Variants in BAHCC1 observed in about 807,000 individuals in gnomAD.
BAHCC1 encodes BAH domain and coiled-coil containing 1.
In BAHCC1, 43 loss-of-function variants were observed where a neutral mutation model predicts 88.2. That is an observed-to-expected ratio of 0.49 (90% CI 0.38 to 0.63). The LOEUF is 0.63. BAHCC1 is among the 20% of genes least tolerant of loss of function. The pLI is 0.00. For synonymous variants in BAHCC1, 1,510 were observed against 745.5 expected (o/e 2.03, Z -16.71); for missense variants, 3,023 against 1,654.8 (o/e 1.83, Z -14.34).
rs1041061862 is a variant in BAHCC1 at position 81,421,508 on chromosome 17, C to T, written c.179-5292C>T. Among the ~76,000 whole-genome samples, 7 of 152,130 alleles carry T rather than the reference C, an allele frequency of 4.6e-5. No homozygotes were observed. The East Asian group carries it at 1.2e-3, about 25-fold the overall frequency. ...TGGGATAGGGAGGGCCTCAGGTGGC[C>T]GGCAGTCCCGTCCCCCACACTCGCA... On this transcript the variant is annotated intron_variant, in intron 2 of 27. Transcript: ENST00000675386.
chr17:81,399,859 C>G lies in BAHCC1; in HGVS notation c.120C>G (p.Pro40=). ...LAPAGPAAQP[P]AHFQPGKYFP... ...CGGCTGGGCCCGCCGCGCAGCCCCC[C>G]GCACACTTCCAGCCGGGAAAGTACT... Residue 40 remains proline (P), a synonymous_variant, in exon 2 of 28, where the codon CCC becomes CCG. Transcript: ENST00000675386. The surrounding 1 kb of genome is among the most constrained non-coding windows in gnomAD (Gnocchi z 4.5). 6.9e-7 allele frequency: 1 copy of G among 1,445,258 alleles called. No individual in the cohort carries two copies. The highest frequency in any genetic ancestry group is 9.1e-7 in the Non-Finnish European group (1 of 1,097,686). The allele number at this position is 1,445,258 out of a possible 1,614,324, so 89.5% of individuals were successfully genotyped here.
Position 81,399,170 on chromosome 17 carries a change from C to A in BAHCC1, c.-206-364C>A. 2.4e-6 allele frequency: 1 copy of A among 409,180 alleles called. No individual in the cohort carries two copies. 25.3% of individuals were successfully genotyped at this position (409,180 alleles called of 1,614,324 possible). Reference sequence around the variant, plus strand: ...GTGTGTGTGCGAGTGTGCGTGATGGCTTCGCAGATTTGGGTTTTTATCACC... The same window carrying A: ...GTGTGTGTGCGAGTGTGCGTGATGGATTCGCAGATTTGGGTTTTTATCACC... On this transcript the variant is annotated intron_variant, in intron 1 of 27. Transcript: ENST00000675386. The surrounding 1 kb of genome is among the most constrained non-coding windows in gnomAD (Gnocchi z 4.5).
chr17:81,447,432 G>A lies in BAHCC1; in HGVS notation c.3560G>A (p.Arg1187Lys), dbSNP rs572694161. 2.7e-6 allele frequency: 2 copies of A among 745,462 alleles called. No homozygotes were observed. Among genetic ancestry groups the A allele is most frequent in the African/African-American group, 3.4e-5 (2 of 58,666 alleles). 46.2% of individuals were successfully genotyped at this position (745,462 alleles called of 1,614,324 possible). A position where few individuals can be genotyped will look rare whatever the true frequency, so the allele number is the denominator to read the frequency against. The change falls in exon 11 of 28, where the codon AGG becomes AAG. Residue 1187 changes from arginine (R) to lysine (K), a missense_variant. Physicochemically the swap from Arg to Lys is conservative, Grantham distance 26. Transcript: ENST00000675386. ...TQGGAREERS[R>K]EEGEQGPSSG... Reference sequence around the variant, plus strand: ...GGAGGGGCACGAGAAGAGAGGAGCAGGGAGGAGGGGGAGCAGGGGCCCTCG... The same window carrying A: ...GGAGGGGCACGAGAAGAGAGGAGCAAGGAGGAGGGGGAGCAGGGGCCCTCG...
chr17:81,404,007 A>AGAAC (rs1351973328), intron 2 of BAHCC1, among the ~76,000 whole-genome samples: 3 of 152,278 alleles, frequency 2.0e-5, no homozygotes, highest in Admixed American at 6.5e-5. Context: ...AGCCAGGCAG[A>AGAAC]GAACGGCGTT....
chr17:81,437,664 G>T (rs957284259), intron 3 of BAHCC1, among the ~76,000 whole-genome samples: 1 of 152,234 alleles, frequency 6.6e-6, no homozygotes, highest in Non-Finnish European at 1.5e-5. Flanking sequence ...AGGCCGCTCA[G>T]AAATGTGGCT....
intron 13 of BAHCC1, 92 bp downstream of exon 13, chr17:81,452,199 C>A: frequency 3.7e-6 from 2 of 538,692 alleles, no homozygotes; most frequent in Admixed American, 3.7e-5. Context: ...TGGGAACAGG[C>A]CAGGATTGGG....
chr17:81,419,663 C>T (rs1035218694), intron 2 of BAHCC1, among the ~76,000 whole-genome samples: 2 of 152,026 alleles, frequency 1.3e-5, no homozygotes, highest in Non-Finnish European at 2.9e-5. Flanking sequence ...CGGGTGCAGC[C>T]GCCAGACTCG....
Position 81,427,482 on chromosome 17 carries a change from G to A in BAHCC1, c.358+503G>A, listed in dbSNP as rs1015352523. Reference sequence around the variant, plus strand: ...GCCACCTGCCTCCCCGTGGGACACAGCCCTGGACACACAGTAGGTGCCTCG... The same window carrying A: ...GCCACCTGCCTCCCCGTGGGACACAACCCTGGACACACAGTAGGTGCCTCG... On this transcript the variant is annotated intron_variant, in intron 3 of 27. Coordinates refer to ENST00000675386, the MANE Select transcript of BAHCC1 (RefSeq NM_001377448.1). Among the ~76,000 whole-genome samples, 12 of 152,320 alleles carry A rather than the reference G, an allele frequency of 7.9e-5. 1 individual carries two copies. In the South Asian group the frequency reaches 2.5e-3, roughly 32 times the overall value.
rs200166317 is a variant in BAHCC1, at chr17:81,445,387, G to A, written c.2869G>A (p.Glu957Lys). ...CGAAGACCAGCACCTGGATCTGGAGGAGCCCGCCCAGGAGAAGGCCCCAAA... is the reference window on the plus strand; with the variant it reads ...CGAAGACCAGCACCTGGATCTGGAGAAGCCCGCCCAGGAGAAGGCCCCAAA... ...KPEDQHLDLE[E>K]PAQEKAPKST... is the part of the protein sequence containing the mutation. The change falls in exon 10 of 28, where the codon GAG (glutamate) becomes AAG (lysine). Residue 957 changes from glutamate (E) to lysine (K), a missense_variant. Coordinates refer to ENST00000675386, the MANE Select transcript of BAHCC1 (RefSeq NM_001377448.1). 367 of 777,202 alleles carry A rather than the reference G, an allele frequency of 4.7e-4. No homozygotes were observed. The highest frequency in any genetic ancestry group is 9.7e-4 in the Admixed American group (57 of 58,822). 48.1% of individuals were successfully genotyped at this position (777,202 alleles called of 1,614,324 possible). A position where few individuals can be genotyped will look rare whatever the true frequency, so the allele number is the denominator to read the frequency against.
chr17:81,457,341 T>TC, intron 16 of BAHCC1, 69 bp from the exon 17 acceptor site: 1 of 704,394 alleles, frequency 1.4e-6, no homozygotes, highest in Non-Finnish European at 2.6e-6. Context: ...GCCCAGAGGG[T>TC]CACCTCCCCC....
chr17:81,463,992 G>A lies in BAHCC1; in HGVS notation c.*175G>A, dbSNP rs1375503193. The A allele has an allele frequency of 2.1e-5, 13 of 608,030 alleles. No individual in the cohort carries two copies. The highest frequency in any genetic ancestry group is 5.5e-5 in the East Asian group (2 of 36,316). 37.7% of individuals were successfully genotyped at this position (608,030 alleles called of 1,614,324 possible). ...TCTTACGGTTTTCCCTGGAAAGAGC[G>A]CTCCAGGTGTCGGAATCCAGTCCCG... On this transcript the variant is annotated 3_prime_UTR_variant, in exon 28 of 28. Transcript: ENST00000675386.
chr17:81,446,328 T>C (rs1201226742), intron 10 of BAHCC1, among the ~76,000 whole-genome samples: 1 of 151,934 alleles, frequency 6.6e-6, no homozygotes, highest in Non-Finnish European at 1.5e-5. Flanking sequence ...TCTGACATGC[T>C]GCCGGCTTGT....
Position 81,399,978 on chromosome 17 carries a change from A to G in BAHCC1, c.178+61A>G. ...CGTTCGAGAGCGGAACAGGGCGCCC[A>G]CCCCTCCGCTCCCGGGAGCAGAGAA... is the stretch of plus-strand genomic sequence containing the variant. On this transcript the variant is annotated intron_variant, in intron 2 of 27. Coordinates refer to ENST00000675386, the MANE Select transcript of BAHCC1 (RefSeq NM_001377448.1). The surrounding 1 kb of genome is among the most constrained non-coding windows in gnomAD (Gnocchi z 4.5). 1 of 1,222,042 alleles carries G rather than the reference A, an allele frequency of 8.2e-7. No homozygotes were observed. Among genetic ancestry groups the G allele is most frequent in the Non-Finnish European group, 1.0e-6 (1 of 961,038 alleles). 75.7% of individuals were successfully genotyped at this position (1,222,042 alleles called of 1,614,324 possible).
chr17:81,426,091 TGGTGATAGTGGTG>T (rs2064192953), intron 2 of BAHCC1, among the ~76,000 whole-genome samples: 1 of 102,792 alleles, frequency 9.7e-6, no homozygotes. Flanking sequence ...ATGTGGTTGG[TGGTGATAGTGGTG>T]GGTGATGTGG....
At chr17:81,416,076 G>A (rs2064018502) in intron 2 of BAHCC1, among the ~76,000 whole-genome samples, 1 of 151,206 alleles carries the variant, frequency 6.6e-6, no homozygotes, top group African/African-American at 2.4e-5. Flanking sequence ...ATGGGTGTAT[G>A]TGCGTGTGTG....
Position 81,434,249 on chromosome 17 carries a change from G to T in BAHCC1, c.359-4121G>T, listed in dbSNP as rs371615494. 3.3e-4 allele frequency among the ~76,000 whole-genome samples: 51 copies of T among 152,280 alleles called. No individual in the cohort carries two copies. The highest frequency in any genetic ancestry group is 3.0e-3 in the Admixed American group (46 of 15,300). The stretch of plus-strand genomic sequence containing the variant: ...AGGGCCTCCCAGGCTGGCTGCCCAC[G>T]TGCACATTCCAGGCTCGGGGCCACG... On this transcript the variant is annotated intron_variant, in intron 3 of 27. Transcript: ENST00000675386. The surrounding 1 kb of genome is among the most constrained non-coding windows in gnomAD (Gnocchi z 4.9).
chr17:81,429,973 G>A (rs1023720587), intron 3 of BAHCC1, among the ~76,000 whole-genome samples: 107 of 152,334 alleles, frequency 7.0e-4, no homozygotes, highest in African/African-American at 2.4e-3. Flanking sequence ...GGAGCCGCCC[G>A]GAACATCTGG....
At position 81,423,559 on chromosome 17, in the gene BAHCC1, G is replaced by A. The variant is rs182754073; in HGVS notation, c.179-3241G>A. 3.9e-3 allele frequency among the ~76,000 whole-genome samples: 595 copies of A among 152,306 alleles called. 3 individuals carry two copies. The highest frequency in any genetic ancestry group is 6.2e-3 in the Non-Finnish European group (422 of 68,010). ...CATACCCCTCTTTCCCGAGGGGGCA[G>A]GCCCCCCGCCCCAGGTTCCTGGAAT... On this transcript the variant is annotated intron_variant, in intron 2 of 27. Coordinates refer to ENST00000675386, the MANE Select transcript of BAHCC1 (RefSeq NM_001377448.1).
At chr17:81,453,330 G>A (rs546561885) in intron 14 of BAHCC1, among the ~76,000 whole-genome samples, 9 of 152,348 alleles carry the variant, frequency 5.9e-5, no homozygotes, top group Admixed American at 2.6e-4. Context: ...TGTCCTTCTC[G>A]GCTACAAATT....
Sources: allele counts gnomAD v4.1 joint callset (sites outside exome capture counted in the v4.1 genomes callset), GRCh38; gene constraint gnomAD v4.1.1; non-coding constraint Gnocchi (gnomAD v3.1); transcripts MANE v1.5; gene names NCBI Gene and HGNC (gene_info 2026-07-23, HGNC 2026-07-21).